Variants in GPC5 observed in about 807,000 individuals in gnomAD.
The protein encoded by GPC5 is glypican-5.
A neutral mutation model predicts 53.9 loss-of-function variants in GPC5; 47 were observed. The observed-to-expected ratio is 0.87, with a 90% confidence interval of 0.69 to 1.11. The LOEUF (loss-of-function observed/expected upper bound fraction) is 1.11. GPC5 is among the 50% of genes most tolerant of loss of function. The pLI is 0.00. For synonymous variants in GPC5, 286 were observed against 263.3 expected, an observed-to-expected ratio of 1.09 and a Z score of -0.84; for missense variants, 748 against 713.1, an observed-to-expected ratio of 1.05 and a Z score of -0.56.
At chr13:92,456,102 A>G (rs1566598192) in intron 7 of GPC5, among the ~76,000 whole-genome samples, 1 of 152,350 alleles carries the variant, frequency 6.6e-6, no homozygotes, top group African/African-American at 2.4e-5. Context: ...ACACTATGTA[A>G]CTACTGACTA....
At chr13:92,647,005 G>A (rs1197415798) in intron 7 of GPC5, among the ~76,000 whole-genome samples, 12 of 145,988 alleles carry the variant, frequency 8.2e-5, no homozygotes, top group African/African-American at 2.5e-4. Flanking sequence ...GAAATTTCAC[G>A]TTTAAATCAG....
At chr13:92,558,612 A>G (rs1882583459) in intron 7 of GPC5, among the ~76,000 whole-genome samples, 1 of 152,004 alleles carries the variant, frequency 6.6e-6, no homozygotes, top group Non-Finnish European at 1.5e-5. Context: ...CTGAAATCAG[A>G]ATATCGCTGG....
At chr13:92,196,168 A>T (rs961480364) in intron 7 of GPC5, among the ~76,000 whole-genome samples, 4 of 152,236 alleles carry the variant, frequency 2.6e-5, no homozygotes, top group African/African-American at 9.6e-5. Context: ...TTGAAAAAAA[A>T]GTAATGCTAC....
At chr13:92,587,911 A>G (rs1455072851) in intron 7 of GPC5, among the ~76,000 whole-genome samples, 1 of 151,376 alleles carries the variant, frequency 6.6e-6, no homozygotes, top group South Asian at 2.1e-4. Flanking sequence ...TGAAAGGCCT[A>G]TTCTTTTTTT....
chr13:92,789,811 C>A (rs1216059420), intron 7 of GPC5, among the ~76,000 whole-genome samples: 1 of 152,080 alleles, frequency 6.6e-6, no homozygotes, highest in Non-Finnish European at 1.5e-5. Context: ...AATATTGACA[C>A]ACAATCACAA....
chr13:91,892,665 A>G (rs2039399798), intron 5 of GPC5, among the ~76,000 whole-genome samples: 1 of 151,808 alleles, frequency 6.6e-6, no homozygotes, highest in Non-Finnish European at 1.5e-5. Context: ...CAAAGAATGT[A>G]ACTTGTTATG....
chr13:91,753,623 G>A (rs1223811841), intron 4 of GPC5, among the ~76,000 whole-genome samples: 1 of 152,108 alleles, frequency 6.6e-6, no homozygotes, highest in East Asian at 1.9e-4. Flanking sequence ...GGTTCCAACT[G>A]CCTTTTGAAT....
chr13:92,198,474 C>CTTA (rs1467769018), intron 7 of GPC5, among the ~76,000 whole-genome samples: 1 of 152,080 alleles, frequency 6.6e-6, no homozygotes, highest in African/African-American at 2.4e-5. Context: ...AAATTGATGA[C>CTTA]TTATAGTTCA....
chr13:91,822,318 T>C (rs2038508349), intron 5 of GPC5, among the ~76,000 whole-genome samples: 1 of 152,198 alleles, frequency 6.6e-6, no homozygotes, highest in South Asian at 2.1e-4. Context: ...ATGGACACTC[T>C]TTGCTCTTTG....
chr13:92,197,223 T>G (rs555867919), intron 7 of GPC5, among the ~76,000 whole-genome samples: 2 of 152,100 alleles, frequency 1.3e-5, no homozygotes, highest in South Asian at 2.1e-4. Flanking sequence ...AAAAAAATAA[T>G]AAGATAAAAA....
chr13:92,170,803 CTG>C (rs1355144675), intron 7 of GPC5, among the ~76,000 whole-genome samples: 1 of 152,070 alleles, frequency 6.6e-6, no homozygotes, highest in African/African-American at 2.4e-5. Context: ...CTACTAGAAA[CTG>C]TTGTTTTTTA....
At chr13:91,674,498 C>T (rs1311493171) in intron 2 of GPC5, among the ~76,000 whole-genome samples, 2 of 147,356 alleles carry the variant, frequency 1.4e-5, no homozygotes, top group Admixed American at 6.8e-5. Flanking sequence ...TGTATATATG[C>T]ATATGTGTAT....
intron 2 of GPC5, among the ~76,000 whole-genome samples, chr13:91,683,340 C>T (rs1368493975): frequency 6.6e-6 from 1 of 152,160 alleles, no homozygotes; most frequent in Non-Finnish European, 1.5e-5. Flanking sequence ...CCTAGTGACA[C>T]TGCTTTGGGA....
Position 91,617,212 on chromosome 13 carries a change from A to G in GPC5, c.326-75975A>G, listed in dbSNP as rs527486599. 2.6e-5 allele frequency among the ~76,000 whole-genome samples: 4 copies of G among 152,310 alleles called. No individual in the cohort carries two copies. The South Asian group carries it at 6.2e-4, about 24-fold the overall frequency. The stretch of plus-strand genomic sequence containing the variant: ...GTGTTCAGGAGCAAAATGCGTAAAC[A>G]TATATGTTGAAATTATTGGCTCAAT... On this transcript the variant is annotated intron_variant, in intron 2 of 7. Transcript: ENST00000377067.
chr13:92,295,912 A>T (rs1009586668), intron 7 of GPC5, among the ~76,000 whole-genome samples: 4 of 152,152 alleles, frequency 2.6e-5, no homozygotes, highest in Non-Finnish European at 1.5e-5. Context: ...CTCGTTCTGC[A>T]ATTCTGTATC....
intron 1 of GPC5, among the ~76,000 whole-genome samples, chr13:91,422,478 A>G (rs947822947): frequency 6.6e-6 from 1 of 152,026 alleles, no homozygotes; most frequent in Non-Finnish European, 1.5e-5. Context: ...TCTACTAAAA[A>G]TACAAAAATT....
intron 5 of GPC5, among the ~76,000 whole-genome samples, chr13:91,881,498 TG>T (rs2039263281): frequency 6.6e-6 from 1 of 152,188 alleles, no homozygotes; most frequent in African/African-American, 2.4e-5. Flanking sequence ...TCATTCAAGA[TG>T]ATACATGGGT....
intron 5 of GPC5, among the ~76,000 whole-genome samples, chr13:91,763,278 C>G (rs2037452857): frequency 6.6e-6 from 1 of 152,066 alleles, no homozygotes; most frequent in Non-Finnish European, 1.5e-5. Context: ...TTTCTCCCCC[C>G]CGGACAACTT....
intron 7 of GPC5, among the ~76,000 whole-genome samples, chr13:92,532,883 A>C (rs1360800150): frequency 6.6e-6 from 1 of 152,190 alleles, no homozygotes; most frequent in African/African-American, 2.4e-5. Context: ...AGTTATAAAC[A>C]GTCAAAACAA....
Sources: gnomAD v4.1 joint callset for allele counts (sites outside exome capture counted in the v4.1 genomes callset) on GRCh38, gnomAD v4.1.1 for gene constraint, MANE v1.5 for transcripts, NCBI Gene and HGNC (gene_info 2026-07-23, HGNC 2026-07-21) for gene names.